DLGAP1: variants seen among roughly 807,000 people sequenced by gnomAD.
The protein encoded by DLGAP1 is DLG associated protein 1.
Under a neutral mutation model 90.8 loss-of-function variants are expected in DLGAP1, and 11 were observed. That is an observed-to-expected ratio of 0.12 (90% CI 0.08 to 0.20). DLGAP1 has a LOEUF of 0.20. Among genes scored for constraint, DLGAP1 ranks in the 10% least tolerant of loss-of-function variants. DLGAP1 has a pLI of 1.00. For missense variants in DLGAP1, 1,050 were observed against 1,333.8 expected (o/e 0.79, Z 3.31); for synonymous variants, 558 against 540.7 (o/e 1.03, Z -0.44).
At chr18:3,959,687 A>G (rs1265962794) in intron 3 of DLGAP1, among the ~76,000 whole-genome samples, 2 of 151,948 alleles carry the variant, frequency 1.3e-5, no homozygotes, top group African/African-American at 4.8e-5. Context: ...GAAAGAAAGA[A>G]AGAAAGAAGC....
In DLGAP1 at chr18:3,814,317, A is replaced by C. The variant is rs768392119; in HGVS notation, c.958-44T>G. 2.0e-6 allele frequency: 3 copies of C among 1,487,926 alleles called. No homozygotes were observed. In the South Asian group the frequency reaches 3.9e-5, roughly 19 times the overall value. The allele number at this position is 1,487,926 out of a possible 1,614,324, so 92.2% of individuals were successfully genotyped here. A position where few individuals can be genotyped will look rare whatever the true frequency, so the allele number is the denominator to read the frequency against. ...GATAAATCACTTTTTATAAAAGCCT[A>C]CCTTTTTCTTTTCTTTTTCTTTTTT... On this transcript the variant is annotated intron_variant, in intron 4 of 12. Coordinates refer to ENST00000315677, the MANE Select transcript of DLGAP1 (RefSeq NM_004746.4).
In DLGAP1 at chr18:4,027,503, C is replaced by CAAAAAAA. The variant is rs59592467; in HGVS notation, c.-158-22309_-158-22303dup. On this transcript the variant is annotated intron_variant, in intron 2 of 12. Coordinates refer to ENST00000315677, the MANE Select transcript of DLGAP1 (RefSeq NM_004746.4). ...TAGGTGACAGAGCAAGACTCCGTCT[C>CAAAAAAA]AAAAAAAAAAAAAAAAAAAAAAAAA... Among the ~76,000 whole-genome samples the CAAAAAAA allele has an allele frequency of 2.9e-3, 159 of 55,640 alleles. 3 individuals are homozygous for CAAAAAAA. Among genetic ancestry groups the CAAAAAAA allele is most frequent in the Middle Eastern group, 0.023 (1 of 44 alleles). 36.5% of individuals were successfully genotyped at this position (55,640 alleles called of 152,430 possible). A position where few individuals can be genotyped will look rare whatever the true frequency, so the allele number is the denominator to read the frequency against.
rs2082063151 is a variant in DLGAP1, at chr18:4,378,715, A to G, written c.-267+76291T>C. Among the ~76,000 whole-genome samples, 1 of 152,040 alleles carries G rather than the reference A, an allele frequency of 6.6e-6. No homozygotes were observed. The highest frequency in any genetic ancestry group is 2.4e-5 in the African/African-American group (1 of 41,418). ...GTCCTCTTGAGAACTTTAACTTACT[A>G]CTTAATCTGAACCCATTTTATCTGT... On this transcript the variant is annotated intron_variant, in intron 1 of 12. Transcript: ENST00000315677. The surrounding 1 kb of genome is among the most constrained non-coding windows in gnomAD (Gnocchi z 4.5).
At chr18:3,758,881 G>C (rs189538844) in intron 5 of DLGAP1, among the ~76,000 whole-genome samples, 1 of 152,238 alleles carries the variant, frequency 6.6e-6, no homozygotes, top group Admixed American at 6.5e-5. Flanking sequence ...CAACAACACA[G>C]TTTTCCTTAA....
At chr18:4,067,464 T>G (rs1466329948) in intron 2 of DLGAP1, among the ~76,000 whole-genome samples, 2 of 152,034 alleles carry the variant, frequency 1.3e-5, no homozygotes, top group Middle Eastern at 3.2e-3. Context: ...ACTTCTCCCT[T>G]TGGAATTCAG....
intron 1 of DLGAP1, among the ~76,000 whole-genome samples, chr18:4,298,516 C>T (rs914506969): frequency 2.6e-5 from 4 of 151,866 alleles, no homozygotes; most frequent in East Asian, 1.9e-4. Flanking sequence ...AGTAAACTAT[C>T]GCAAGAACAA....
intron 5 of DLGAP1, among the ~76,000 whole-genome samples, chr18:3,756,565 GA>G (rs1297268751): frequency 6.6e-6 from 1 of 151,788 alleles, no homozygotes; most frequent in Admixed American, 6.6e-5. Context: ...TAATAGTCTT[GA>G]AAAAGAGCAA....
intron 3 of DLGAP1, among the ~76,000 whole-genome samples, chr18:3,957,670 T>C (rs1325870045): frequency 1.3e-5 from 2 of 152,212 alleles, no homozygotes; most frequent in Non-Finnish European, 2.9e-5. Flanking sequence ...TACTTTATTA[T>C]TTACTTACTA....
chr18:3,538,888 T>A (rs2144586646), intron 9 of DLGAP1, among the ~76,000 whole-genome samples: 1 of 152,370 alleles, frequency 6.6e-6, no homozygotes, highest in South Asian at 2.1e-4. Context: ...AGCCATCTCC[T>A]GGCTATGGAT....
At chr18:3,845,170 A>G in intron 4 of DLGAP1, 1 of 1,592,246 alleles carries the variant, frequency 6.3e-7, no homozygotes, top group Non-Finnish European at 8.6e-7. Flanking sequence ...ATTAGCACAG[A>G]AATCAAGCAC....
chr18:3,718,167 A>G lies in DLGAP1; in HGVS notation c.1591+10968T>C, dbSNP rs1462154788. 2.6e-5 allele frequency among the ~76,000 whole-genome samples: 4 copies of G among 152,198 alleles called. No individual in the cohort carries two copies. In the East Asian group the frequency reaches 7.7e-4, roughly 29 times the overall value. ...GGGATATAGCAAATGCACCATTAATAAAACCAGAAAAGGCCCGGTGCAGCG... is the reference window on the plus strand; with the variant it reads ...GGGATATAGCAAATGCACCATTAATGAAACCAGAAAAGGCCCGGTGCAGCG... On this transcript the variant is annotated intron_variant, in intron 7 of 12. Transcript: ENST00000315677.
At chr18:3,837,091 A>C (rs1371113127) in intron 4 of DLGAP1, among the ~76,000 whole-genome samples, 1 of 152,194 alleles carries the variant, frequency 6.6e-6, no homozygotes, top group Non-Finnish European at 1.5e-5. Flanking sequence ...AGAAAATGGC[A>C]CAGGGATTTT....
intron 1 of DLGAP1, among the ~76,000 whole-genome samples, chr18:4,238,879 CT>C (rs2078472127): frequency 6.6e-6 from 1 of 152,154 alleles, no homozygotes; most frequent in South Asian, 2.1e-4. Flanking sequence ...AAAAATGCCC[CT>C]CTCCACCCCA....
At chr18:3,770,295 A>G (rs1247677801) in intron 5 of DLGAP1, among the ~76,000 whole-genome samples, 1 of 152,124 alleles carries the variant, frequency 6.6e-6, no homozygotes, top group African/African-American at 2.4e-5. Context: ...AGGCAGGAGA[A>G]GGGAGGTGGT....
chr18:4,445,389 T>C (rs549014440), intron 1 of DLGAP1, among the ~76,000 whole-genome samples: 5 of 151,782 alleles, frequency 3.3e-5, no homozygotes, highest in African/African-American at 1.2e-4. Flanking sequence ...GCTGGTGCGC[T>C]GCACCCACTA....
At chr18:3,830,383 G>T (rs185470205) in intron 4 of DLGAP1, among the ~76,000 whole-genome samples, 1 of 152,290 alleles carries the variant, frequency 6.6e-6, no homozygotes, top group African/African-American at 2.4e-5. Context: ...GGCTAACATG[G>T]TGAAACCCCA....
At chr18:4,051,523 C>T (rs1262067410) in intron 2 of DLGAP1, among the ~76,000 whole-genome samples, 2 of 152,158 alleles carry the variant, frequency 1.3e-5, no homozygotes, top group African/African-American at 4.8e-5. Flanking sequence ...GGGTAACCAC[C>T]CCCATGATTA....
chr18:4,064,541 A>G (rs1039256774), intron 2 of DLGAP1, among the ~76,000 whole-genome samples: 4 of 146,940 alleles, frequency 2.7e-5, no homozygotes, highest in Admixed American at 6.8e-5. Context: ...AAATAGAAAC[A>G]GCCATCAGAG....
intron 1 of DLGAP1, among the ~76,000 whole-genome samples, chr18:4,269,382 C>G (rs2079209026): frequency 7.1e-6 from 1 of 139,930 alleles, no homozygotes; most frequent in Admixed American, 7.6e-5. Context: ...GAGACGGAGT[C>G]TTGCTCTGTC....
Sources: gnomAD v4.1 joint callset for allele counts (sites outside exome capture counted in the v4.1 genomes callset) on GRCh38, gnomAD v4.1.1 for gene constraint, Gnocchi (gnomAD v3.1) non-coding constraint, MANE v1.5 for transcripts, NCBI Gene and HGNC (gene_info 2026-07-23, HGNC 2026-07-21) for gene names.